DOCK3: variants seen among roughly 807,000 people sequenced by gnomAD.
The protein encoded by DOCK3 is dedicator of cytokinesis protein 3.
DOCK3 carries 60 observed loss-of-function variants against 265.6 expected under a neutral mutation model. The observed-to-expected ratio is 0.23, with a 90% CI of 0.18 to 0.28. The LOEUF is 0.28. DOCK3 is among the 10% of genes least tolerant of loss of function. DOCK3 has a pLI of 1.00. For missense variants in DOCK3, 1,981 were observed against 2,594.3 expected, an observed-to-expected ratio of 0.76 and a Z score of 5.14; for synonymous variants, 881 against 938.0, an observed-to-expected ratio of 0.94 and a Z score of 1.11.
At chr3:51,290,249 G>C (rs538201089) in intron 27 of DOCK3, among the ~76,000 whole-genome samples, 135 of 152,190 alleles carry the variant, frequency 8.9e-4, no homozygotes, top group African/African-American at 3.1e-3. Context: ...TGTTTATTGC[G>C]GCACTACTCA....
chr3:50,898,400 C>T (rs1364989663), intron 4 of DOCK3, among the ~76,000 whole-genome samples: 11 of 151,892 alleles, frequency 7.2e-5, no homozygotes. Context: ...TAGCGGTCTA[C>T]CTATTTTGTT....
At chr3:50,860,120 G>C (rs1024467919) in intron 3 of DOCK3, among the ~76,000 whole-genome samples, 14 of 152,132 alleles carry the variant, frequency 9.2e-5, no homozygotes, top group African/African-American at 3.1e-4. Context: ...TGTACTGTGG[G>C]CCCAAGTCAG....
intron 38 of DOCK3, among the ~76,000 whole-genome samples, chr3:51,342,498 C>G (rs905086719): frequency 6.6e-6 from 1 of 152,220 alleles, no homozygotes; most frequent in African/African-American, 2.4e-5. Flanking sequence ...TGGCACCTGG[C>G]TAACCTGGAG....
chr3:51,147,555 T>C (rs2085361708), intron 10 of DOCK3, among the ~76,000 whole-genome samples: 1 of 152,204 alleles, frequency 6.6e-6, no homozygotes, highest in Admixed American at 6.5e-5. Context: ...GAGTTCTCAA[T>C]GTTCAAGTCC....
chr3:50,869,017 C>T (rs1346626707), intron 3 of DOCK3, among the ~76,000 whole-genome samples: 1 of 147,972 alleles, frequency 6.8e-6, no homozygotes, highest in African/African-American at 2.5e-5. Context: ...CTCTGTCGCC[C>T]AGGCTGGAGT....
At chr3:51,283,668 G>A (rs1029575590) in intron 27 of DOCK3, among the ~76,000 whole-genome samples, 1 of 152,104 alleles carries the variant, frequency 6.6e-6, no homozygotes, top group Non-Finnish European at 1.5e-5. Flanking sequence ...TCCTCCCCCA[G>A]CTCACCCTAG....
chr3:51,258,502 C>A (rs2079670230), intron 22 of DOCK3, among the ~76,000 whole-genome samples: 1 of 152,120 alleles, frequency 6.6e-6, no homozygotes, highest in South Asian at 2.1e-4. Context: ...AGGAAACCAT[C>A]CTGGCTTTCT....
chr3:51,378,248 A>C (rs547360047), intron 51 of DOCK3, among the ~76,000 whole-genome samples: 25 of 152,320 alleles, frequency 1.6e-4, no homozygotes, highest in African/African-American at 5.8e-4. Flanking sequence ...CTCAGAACTG[A>C]GGCTGTTTAG....
chr3:50,898,983 T>C (rs2049038968), intron 4 of DOCK3, among the ~76,000 whole-genome samples: 1 of 152,222 alleles, frequency 6.6e-6, no homozygotes, highest in Non-Finnish European at 1.5e-5. Context: ...TCTGTAGATG[T>C]CTGTTAGGTC....
At chr3:50,802,989 A>G (rs1260585561) in intron 2 of DOCK3, among the ~76,000 whole-genome samples, 2 of 148,700 alleles carry the variant, frequency 1.3e-5, no homozygotes, top group Non-Finnish European at 3.0e-5. Context: ...TTGTCTGCCT[A>G]TGTTATTTCA....
intron 37 of DOCK3, among the ~76,000 whole-genome samples, chr3:51,340,503 G>T (rs2085169541): frequency 6.6e-6 from 1 of 152,214 alleles, no homozygotes; most frequent in Non-Finnish European, 1.5e-5. Flanking sequence ...GTCAATAAAT[G>T]GTTAGAAATG....
chr3:51,201,372 A>G (rs549563453), intron 12 of DOCK3, among the ~76,000 whole-genome samples: 4 of 152,132 alleles, frequency 2.6e-5, no homozygotes, highest in Admixed American at 6.5e-5. Context: ...AGGGGTTGCA[A>G]TCCTAGTCTC....
At chr3:50,838,492 C>T (rs1198208530) in intron 2 of DOCK3, among the ~76,000 whole-genome samples, 2 of 152,146 alleles carry the variant, frequency 1.3e-5, no homozygotes, top group Non-Finnish European at 2.9e-5. Flanking sequence ...ATGTGTTCTT[C>T]AGTTAAATGC....
At chr3:51,053,691 G>A (rs1346788979) in intron 5 of DOCK3, among the ~76,000 whole-genome samples, 1 of 152,076 alleles carries the variant, frequency 6.6e-6, no homozygotes, top group Non-Finnish European at 1.5e-5. Context: ...AAAGTTCTGG[G>A]ATTACAGGCA....
chr3:50,695,741 A>G lies in DOCK3; in HGVS notation c.37+20441A>G, dbSNP rs2035576125. Among the ~76,000 whole-genome samples the G allele has an allele frequency of 2.0e-5, 3 of 152,232 alleles. No homozygotes were observed. In the South Asian group the frequency reaches 6.2e-4, roughly 32 times the overall value. On this transcript the variant is annotated intron_variant, in intron 1 of 52. Coordinates refer to ENST00000266037, the MANE Select transcript of DOCK3 (RefSeq NM_004947.5). ...TGGTGGGTATCTCGCTTGGTCACTC[A>G]GTGCTCCTGGGGGTCGCTAGAAGCT... is the stretch of plus-strand genomic sequence containing the variant.
At chr3:51,353,058 C>T (rs2086110475) in intron 40 of DOCK3, among the ~76,000 whole-genome samples, 1 of 152,180 alleles carries the variant, frequency 6.6e-6, no homozygotes, top group Admixed American at 6.5e-5. Flanking sequence ...TCCAACCCTC[C>T]CTTCTTGAGG....
chr3:50,738,282 G>A (rs1371095542), intron 1 of DOCK3, among the ~76,000 whole-genome samples: 1 of 152,144 alleles, frequency 6.6e-6, no homozygotes, highest in East Asian at 1.9e-4. Context: ...AAGTCAGCCT[G>A]GTGCTGGAGT....
At chr3:51,155,880 C>T (rs771481967) in intron 10 of DOCK3, among the ~76,000 whole-genome samples, 3 of 152,038 alleles carry the variant, frequency 2.0e-5, no homozygotes, top group Non-Finnish European at 2.9e-5. Flanking sequence ...TACACACTGC[C>T]GGCAAGGTGT....
At chr3:50,978,753 G>A (rs570938533) in intron 5 of DOCK3, among the ~76,000 whole-genome samples, 8 of 152,280 alleles carry the variant, frequency 5.3e-5, no homozygotes, top group Admixed American at 2.6e-4. Context: ...CCTCGCTGCC[G>A]CCTTGCAGTT....
Sources: allele counts gnomAD v4.1 joint callset (sites outside exome capture counted in the v4.1 genomes callset), GRCh38; gene constraint gnomAD v4.1.1; transcripts MANE v1.5; gene names NCBI Gene and HGNC (gene_info 2026-07-23, HGNC 2026-07-21).